The following HEPHL1 variants were observed in gnomAD, a reference collection of about 807,000 sequenced individuals.
HEPHL1 encodes the protein hephaestin like 1, also known as ferroxidase HEPHL1.
Under a neutral mutation model 122.0 loss-of-function variants are expected in HEPHL1, and 123 were observed. The ratio of observed to expected loss-of-function variants is 1.01; its 90% CI spans 0.87 to 1.17. The LOEUF (loss-of-function observed/expected upper bound fraction) is 1.17. Among genes scored for constraint, HEPHL1 ranks in the 50% most tolerant of loss-of-function variants. The probability of loss-of-function intolerance (pLI) is 0.00; values close to 1 mark genes in which losing one functional copy is unlikely to be tolerated. For missense variants in HEPHL1, 1,452 were observed against 1,430.5 expected, an observed-to-expected ratio of 1.01 and a Z score of -0.24; for synonymous variants, 527 against 508.9, an observed-to-expected ratio of 1.04 and a Z score of -0.48.
chr11:94,053,603 C>G (rs1014554280), intron 2 of HEPHL1, among the ~76,000 whole-genome samples: 3 of 151,858 alleles, frequency 2.0e-5, no homozygotes, highest in African/African-American at 7.3e-5. Flanking sequence ...ATCTAAATTT[C>G]CTTTTTAAGC....
At chr11:94,065,821 T>G (rs758842473) in intron 4 of HEPHL1, among the ~76,000 whole-genome samples, 1 of 152,236 alleles carries the variant, frequency 6.6e-6, no homozygotes, top group Non-Finnish European at 1.5e-5. Context: ...CTGTATTTAT[T>G]CTTTTGAAGT....
chr11:94,061,936 G>A (rs1028788615), intron 2 of HEPHL1, among the ~76,000 whole-genome samples: 1 of 152,066 alleles, frequency 6.6e-6, no homozygotes, highest in South Asian at 2.1e-4. Flanking sequence ...CAATGAAAGA[G>A]TATAAGCTAA....
Position 94,067,451 on chromosome 11 carries a change from G to A in HEPHL1, c.809-45G>A, listed in dbSNP as rs371685436. On this transcript the variant is annotated intron_variant, in intron 4 of 19. Coordinates refer to ENST00000315765, the MANE Select transcript of HEPHL1 (RefSeq NM_001098672.2). ...ATTACCAACATTTCTGGTCCCAGTC[G>A]CCTCTGCAGGGGAGTCTCTTCCACT... The A allele has an allele frequency of 3.7e-5, 59 of 1,592,972 alleles. 1 individual carries two copies. In the Admixed American group the frequency reaches 3.7e-4, roughly 10 times the overall value.
chr11:94,028,338 C>G (rs1053341120), intron 1 of HEPHL1, among the ~76,000 whole-genome samples: 2 of 152,138 alleles, frequency 1.3e-5, no homozygotes, highest in East Asian at 3.9e-4. Flanking sequence ...AGAAAACATC[C>G]CTCTAAAAGA....
intron 2 of HEPHL1, among the ~76,000 whole-genome samples, chr11:94,054,371 C>T (rs1945917413): frequency 6.6e-6 from 1 of 152,174 alleles, no homozygotes; most frequent in African/African-American, 2.4e-5. Context: ...TATCTAAGTC[C>T]ATCCGGGTAT....
At chr11:94,075,447 C>A in intron 9 of HEPHL1, 62 bp downstream of exon 9, 1 of 1,147,278 alleles carries the variant, frequency 8.7e-7, no homozygotes, top group Non-Finnish European at 1.3e-6. Flanking sequence ...CCGCAAGAGC[C>A]AGAGACGAGA....
chr11:94,065,334 A>C (rs1946024702), intron 4 of HEPHL1, among the ~76,000 whole-genome samples: 1 of 152,230 alleles, frequency 6.6e-6, no homozygotes, highest in South Asian at 2.1e-4. Flanking sequence ...AAGATCATCT[A>C]ACGTCTCCAT....
intron 2 of HEPHL1, among the ~76,000 whole-genome samples, chr11:94,059,743 A>C (rs1370470970): frequency 6.6e-6 from 1 of 152,052 alleles, no homozygotes; most frequent in Non-Finnish European, 1.5e-5. Context: ...ATATTCTTCA[A>C]CTTGAGTGGT....
intron 8 of HEPHL1, among the ~76,000 whole-genome samples, chr11:94,074,125 G>A (rs1251374803): frequency 6.6e-6 from 1 of 152,124 alleles, no homozygotes; most frequent in Non-Finnish European, 1.5e-5. Flanking sequence ...ACACTCGAGT[G>A]TGATGCCAGG....
rs1354122708 is a variant in HEPHL1 at position 94,111,790 on chromosome 11, C to T, written c.3376C>T (p.Leu1126Phe). The change falls in exon 20 of 20, where the codon CTT becomes TTT. Residue 1126 changes from leucine to phenylalanine, a missense_variant. Physicochemically the swap from Leu to Phe is conservative, Grantham distance 22. Coordinates refer to ENST00000315765, the MANE Select transcript of HEPHL1 (RefSeq NM_001098672.2). ...LVILFIIGLLLLITTVILSLR... is the reference protein window; with the variant it reads ...LVILFIIGLLFLITTVILSLR... ...CATCCTTTTCATCATTGGACTCCTC[C>T]TTCTAATCACCACGGTGATTCTCTC... 6.3e-7 allele frequency: 1 copy of T among 1,584,996 alleles called. No homozygotes were observed. The highest frequency in any genetic ancestry group is 1.2e-5 in the South Asian group (1 of 84,716).
chr11:94,086,697 C>A (rs186467568), intron 11 of HEPHL1, among the ~76,000 whole-genome samples: 11 of 152,260 alleles, frequency 7.2e-5, no homozygotes, highest in African/African-American at 2.6e-4. Flanking sequence ...CTTGGTTTCC[C>A]AACAGGGCAA....
At chr11:94,089,248 G>A (rs944302268) in intron 12 of HEPHL1, among the ~76,000 whole-genome samples, 9 of 152,138 alleles carry the variant, frequency 5.9e-5, no homozygotes, top group Non-Finnish European at 1.0e-4. Context: ...AGGGAAAGAG[G>A]CAGATCACAT....
intron 2 of HEPHL1, among the ~76,000 whole-genome samples, chr11:94,062,607 C>T (rs1448073747): frequency 6.6e-6 from 1 of 151,412 alleles, no homozygotes; most frequent in Non-Finnish European, 1.5e-5. Context: ...GGAATGTGTG[C>T]ACTTCCATCT....
chr11:94,036,899 C>T lies in HEPHL1; in HGVS notation c.171-8774C>T, dbSNP rs375226512. 9.9e-4 allele frequency among the ~76,000 whole-genome samples: 150 copies of T among 150,908 alleles called. 2 individuals are homozygous for T. The highest frequency in any genetic ancestry group is 3.5e-3 in the African/African-American group (145 of 41,072). On this transcript the variant is annotated intron_variant, in intron 1 of 19. Coordinates refer to ENST00000315765, the MANE Select transcript of HEPHL1 (RefSeq NM_001098672.2). ...GCCGAATAGGAACAGCTCTGGTCTA[C>T]AGCTCCCAGCGTGAGCGACACAGAA... is the stretch of plus-strand genomic sequence containing the variant.
At chr11:94,042,666 A>G (rs1397965773) in intron 1 of HEPHL1, among the ~76,000 whole-genome samples, 1 of 143,416 alleles carries the variant, frequency 7.0e-6, no homozygotes, top group East Asian at 2.2e-4. Context: ...ATAGGTGGGA[A>G]TTGAACAATG....
chr11:94,026,559 T>A (rs1945627316), intron 1 of HEPHL1, among the ~76,000 whole-genome samples: 1 of 152,222 alleles, frequency 6.6e-6, no homozygotes, highest in Admixed American at 6.5e-5. Context: ...CAAGGCCTGG[T>A]TAGCAGGATC....
At chr11:94,082,141 C>T (rs1343620476) in intron 9 of HEPHL1, among the ~76,000 whole-genome samples, 1 of 152,292 alleles carries the variant, frequency 6.6e-6, no homozygotes, top group East Asian at 1.9e-4. Flanking sequence ...TCCTTGAGGA[C>T]CAGCCTGGCA....
At chr11:94,070,679 G>C (rs1451883902) in intron 6 of HEPHL1, 137 bp downstream of exon 6, 24 of 710,124 alleles carry the variant, frequency 3.4e-5, no homozygotes, top group African/African-American at 1.1e-4. Context: ...AGCTGCTTAA[G>C]GTGTTCTTAA....
Position 94,093,616 on chromosome 11 carries a change from C to G in HEPHL1, c.2410C>G (p.Arg804Gly), listed in dbSNP as rs185758554. 6.8e-6 allele frequency: 11 copies of G among 1,613,378 alleles called. No individual in the cohort carries two copies. The Admixed American group carries it at 1.7e-4, about 24-fold the overall frequency. ...EFVEIKARPP[R>G]EEHLELLGPM... Reference sequence around the variant, plus strand: ...TGTGGAGATCAAAGCCCGACCACCACGAGAGGAGCACTTAGAACTCCTGGG... The same window carrying G: ...TGTGGAGATCAAAGCCCGACCACCAGGAGAGGAGCACTTAGAACTCCTGGG... The change falls in exon 13 of 20, where the codon CGA (arginine) becomes GGA (glycine). Residue 804 changes from arginine to glycine, a missense_variant. By Grantham distance (125) the Arg-to-Gly change is moderately radical. Transcript: ENST00000315765.
Sources: gnomAD v4.1 joint callset for allele counts (sites outside exome capture counted in the v4.1 genomes callset) on GRCh38, gnomAD v4.1.1 for gene constraint, MANE v1.5 for transcripts, NCBI Gene and HGNC (gene_info 2026-07-23, HGNC 2026-07-21) for gene names.